Variants in RASSF3 observed in about 807,000 individuals in gnomAD.
RASSF3 encodes the protein ras association domain-containing protein 3.
A neutral mutation model predicts 19.9 loss-of-function variants in RASSF3; 19 were observed. The ratio of observed to expected loss-of-function variants is 0.96; its 90% CI spans 0.67 to 1.40. The LOEUF is 1.40. Among genes scored for constraint, RASSF3 ranks in the 40% most tolerant of loss-of-function variants. RASSF3 has a pLI of 0.00. For missense variants in RASSF3, 306 were observed against 289.8 expected (o/e 1.06, Z -0.41); for synonymous variants, 110 against 104.2 (o/e 1.06, Z -0.34).
downstream of RASSF3, among the ~76,000 whole-genome samples, chr12:64,546,430 C>G (rs1005504387): frequency 1.3e-5 from 2 of 152,020 alleles, no homozygotes; most frequent in African/African-American, 4.8e-5. Context: ...GCCACCACGC[C>G]CAGCTAGTTT....
intron 2 of RASSF3, among the ~76,000 whole-genome samples, chr12:64,598,475 C>T (rs1870031965): frequency 6.6e-6 from 1 of 152,156 alleles, no homozygotes; most frequent in Admixed American, 6.5e-5. Flanking sequence ...GTGGATGTAG[C>T]TATAGCTATG....
upstream of RASSF3, among the ~76,000 whole-genome samples, chr12:64,530,865 T>A (rs1013566615): frequency 4.5e-4 from 69 of 152,348 alleles, no homozygotes; most frequent in African/African-American, 1.6e-3. Context: ...CTGTATGTCT[T>A]TTTTTGTGAA....
intron 1 of RASSF3, among the ~76,000 whole-genome samples, chr12:64,613,053 C>G (rs151303840): frequency 5.5e-4 from 83 of 152,236 alleles, no homozygotes; most frequent in South Asian, 1.2e-3. Flanking sequence ...GTGTTCTAAA[C>G]TACGAATTTT....
At chr12:64,670,544 CTTTTTT>C (rs34897392) in intron 1 of RASSF3, among the ~76,000 whole-genome samples, 1 of 131,332 alleles carries the variant, frequency 7.6e-6, no homozygotes. Flanking sequence ...CTCTCTCTCT[CTTTTTT>C]TTTTTTTTTT....
upstream of RASSF3, among the ~76,000 whole-genome samples, chr12:64,607,277 CA>C (rs1239058842): frequency 0.011 from 1,377 of 123,532 alleles, 12 homozygotes; most frequent in African/African-American, 0.027. Flanking sequence ...GGCCCTGTCT[CA>C]AAAAAAAAAA....
intron 1 of RASSF3, among the ~76,000 whole-genome samples, chr12:64,641,595 G>C (rs565201783): frequency 8.7e-5 from 13 of 149,566 alleles, no homozygotes; most frequent in African/African-American, 3.2e-4. Flanking sequence ...TCAGGAGTTT[G>C]AGACCAGCCA....
chr12:64,584,650 A>C (rs1015555017), intron 2 of RASSF3, among the ~76,000 whole-genome samples: 6 of 152,084 alleles, frequency 3.9e-5, no homozygotes, highest in Non-Finnish European at 4.4e-5. Context: ...GCACGCAAAC[A>C]AATACATTCA....
At chr12:64,668,875 G>T (rs1337411393) in intron 1 of RASSF3, among the ~76,000 whole-genome samples, 1 of 151,282 alleles carries the variant, frequency 6.6e-6, no homozygotes, top group Non-Finnish European at 1.5e-5. Context: ...TAGAGATGGG[G>T]TTTCACCGTG....
In RASSF3 at chr12:64,652,572, G is replaced by A. The variant is rs191811445; in HGVS notation, c.112-32215G>A. Among the ~76,000 whole-genome samples the A allele has an allele frequency of 4.1e-4, 62 of 152,084 alleles. No homozygotes were observed. In the East Asian group the frequency reaches 9.5e-3, roughly 23 times the overall value. On this transcript the variant is annotated intron_variant, in intron 1 of 4. Transcript: ENST00000542104. The stretch of plus-strand genomic sequence containing the variant: ...TTCCATCCTGTAGAGGAAACAGATG[G>A]GTTAATTTAATTGTTCAGCTGGTGC...
chr12:64,675,013 A>G (rs1439546333), intron 1 of RASSF3, among the ~76,000 whole-genome samples: 3 of 130,106 alleles, frequency 2.3e-5, no homozygotes, highest in African/African-American at 8.8e-5. Flanking sequence ...TTTTTAGACT[A>G]TGTGTTAGAA....
At chr12:64,685,640 G>A (rs1413524037) in intron 2 of RASSF3, among the ~76,000 whole-genome samples, 2 of 152,138 alleles carry the variant, frequency 1.3e-5, no homozygotes, top group East Asian at 1.9e-4. Context: ...TTTCTCTGCC[G>A]GTCGTTAGTG....
intron 2 of RASSF3, among the ~76,000 whole-genome samples, chr12:64,593,738 C>A (rs1869958012): frequency 6.6e-6 from 1 of 152,036 alleles, no homozygotes; most frequent in African/African-American, 2.4e-5. Flanking sequence ...TGTAGCAAAG[C>A]TGAATAGGAT....
intron 1 of RASSF3, among the ~76,000 whole-genome samples, chr12:64,539,316 C>T (rs1868894497): frequency 6.6e-6 from 1 of 152,004 alleles, no homozygotes; most frequent in Non-Finnish European, 1.5e-5. Flanking sequence ...GGGGCCCTAC[C>T]CTGATGGCCT....
upstream of RASSF3, among the ~76,000 whole-genome samples, chr12:64,608,413 C>G (rs1870230917): frequency 6.6e-6 from 1 of 152,168 alleles, no homozygotes; most frequent in Non-Finnish European, 1.5e-5. Context: ...CTAGGCCACT[C>G]CGGGTTCAAG....
chr12:64,626,591 T>A (rs1871006161), intron 1 of RASSF3, among the ~76,000 whole-genome samples: 1 of 152,090 alleles, frequency 6.6e-6, no homozygotes, highest in Non-Finnish European at 1.5e-5. Flanking sequence ...AGGGTCTCGC[T>A]GTGTCACCCA....
chr12:64,691,740 A>AGGGGGGT (rs1234620769), intron 4 of RASSF3, among the ~76,000 whole-genome samples, 161 bp downstream of exon 4: 2 of 151,874 alleles, frequency 1.3e-5, no homozygotes, highest in African/African-American at 2.4e-5. Flanking sequence ...GGAGAGGGAG[A>AGGGGGGT]GGGATTTTGA....
chr12:64,569,225 C>G (rs1882269), intron 2 of RASSF3, among the ~76,000 whole-genome samples: 598 of 152,354 alleles, frequency 3.9e-3, no homozygotes, highest in African/African-American at 0.013. Context: ...GACTGATACT[C>G]TCTTCTAGAA....
At chr12:64,562,676 A>C (rs530759858) in intron 2 of RASSF3, among the ~76,000 whole-genome samples, 5 of 152,020 alleles carry the variant, frequency 3.3e-5, no homozygotes, top group Non-Finnish European at 7.4e-5. Context: ...GCTGGAGTGC[A>C]ATGGCTTGAT....
At chr12:64,560,785 G>A (rs968214824) in intron 2 of RASSF3, among the ~76,000 whole-genome samples, 2 of 152,190 alleles carry the variant, frequency 1.3e-5, no homozygotes, top group African/African-American at 4.8e-5. Context: ...TACTTGTGCG[G>A]GATAAAGGAG....
Sources: gnomAD v4.1 joint callset for allele counts (sites outside exome capture counted in the v4.1 genomes callset) on GRCh38, gnomAD v4.1.1 for gene constraint, MANE v1.5 for transcripts, NCBI Gene and HGNC (gene_info 2026-07-23, HGNC 2026-07-21) for gene names.